SLC37A3: variants seen among roughly 807,000 people sequenced by gnomAD.
The protein encoded by SLC37A3 is solute carrier family 37 member 3, also known as sugar phosphate exchanger 3.
In SLC37A3, 51 loss-of-function variants were observed where a neutral mutation model predicts 67.1. The ratio of observed to expected loss-of-function variants is 0.76; its 90% CI spans 0.61 to 0.96. The LOEUF (loss-of-function observed/expected upper bound fraction) is 0.96, where lower values mean the gene tolerates loss of function less well. Among genes scored for constraint, SLC37A3 ranks in the 40% least tolerant of loss-of-function variants. The pLI, the probability that SLC37A3 is intolerant of heterozygous loss-of-function variation, is 0.00. For missense variants in SLC37A3, 508 were observed against 603.0 expected (o/e 0.84, Z 1.65); for synonymous variants, 214 against 231.4 (o/e 0.92, Z 0.68).
At chr7:140,358,917 C>G in intron 5 of SLC37A3, 132 bp from the exon 6 acceptor site, 1 of 1,142,972 alleles carries the variant, frequency 8.7e-7, no homozygotes, top group Non-Finnish European at 1.3e-6. Flanking sequence ...CTGTAAGTCA[C>G]GTGGCCAGCA....
At chr7:140,348,475 TTTTGAG>T in intron 10 of SLC37A3, 145 bp downstream of exon 10, 61 of 726,546 alleles carry the variant, frequency 8.4e-5, no homozygotes, top group South Asian at 3.7e-4. Flanking sequence ...TTTTTTTTTT[TTTTGAG>T]TTTGGCTGTT....
rs10631882 is a variant in SLC37A3, at chr7:140,360,732, T to TAAAAA, written c.376-1952_376-1948dup. 2.7e-3 allele frequency among the ~76,000 whole-genome samples: 374 copies of TAAAAA among 137,300 alleles called. 6 individuals are homozygous for TAAAAA. The highest frequency in any genetic ancestry group is 0.011 in the South Asian group (46 of 4,256). 90.1% of individuals were successfully genotyped at this position (137,300 alleles called of 152,430 possible). A position where few individuals can be genotyped will look rare whatever the true frequency, so the allele number is the denominator to read the frequency against. On this transcript the variant is annotated intron_variant, in intron 5 of 14. Coordinates refer to ENST00000326232, the MANE Select transcript of SLC37A3 (RefSeq NM_207113.3). ...TTGGGTGACAGAGCAAGACTCCGTT[T>TAAAAA]AAAAAAAAAAAAAAAAAGATTAATC...
intron 8 of SLC37A3, 135 bp downstream of exon 8, chr7:140,351,927 G>A (rs1796819541): frequency 1.1e-6 from 1 of 888,444 alleles, no homozygotes; most frequent in African/African-American, 1.6e-5. Flanking sequence ...TCAAACGGCA[G>A]TACTGTTCTC....
intron 3 of SLC37A3, among the ~76,000 whole-genome samples, 186 bp from the exon 4 acceptor site, chr7:140,369,868 T>C (rs1415770358): frequency 6.6e-6 from 1 of 152,156 alleles, no homozygotes; most frequent in Non-Finnish European, 1.5e-5. Context: ...CCCAACACTT[T>C]GGGAGGGCAA....
Position 140,343,553 on chromosome 7 carries a change from A to C in SLC37A3, c.1185T>G (p.Ile395Met). 6.2e-7 allele frequency: 1 copy of C among 1,614,204 alleles called. No individual in the cohort carries two copies. The highest frequency in any genetic ancestry group is 8.5e-7 in the Non-Finnish European group (1 of 1,180,018). Residue 395 changes from isoleucine to methionine, a missense_variant, in exon 13 of 15, where the codon ATT becomes ATG. Physicochemically the swap from Ile to Met is conservative, Grantham distance 10. Transcript: ENST00000326232. ...AACTAATCATATTAGAAGGTCCACC[A>C]ATAAAAAATCCTGAAGTCATAAACA... ...ALLMTVTGFF[I>M]GGPSNMISSA...
intron 2 of SLC37A3, among the ~76,000 whole-genome samples, chr7:140,381,473 C>T (rs922624236): frequency 6.6e-6 from 1 of 151,682 alleles, no homozygotes; most frequent in Admixed American, 6.6e-5. Context: ...TGCAGTGAAC[C>T]GTGATCACAC....
intron 3 of SLC37A3, among the ~76,000 whole-genome samples, chr7:140,372,890 G>C (rs1337236815): frequency 6.6e-6 from 1 of 151,674 alleles, no homozygotes; most frequent in East Asian, 1.9e-4. Context: ...TGTCACGTAA[G>C]ACTGTCCTTC....
At chr7:140,353,868 C>T (rs998958050) in intron 7 of SLC37A3, among the ~76,000 whole-genome samples, 4 of 152,066 alleles carry the variant, frequency 2.6e-5, no homozygotes, top group South Asian at 4.1e-4. Flanking sequence ...CCCGTGACCA[C>T]GCCCGGCTAA....
chr7:140,350,755 C>T (rs1796760564), intron 9 of SLC37A3, among the ~76,000 whole-genome samples: 2 of 151,966 alleles, frequency 1.3e-5, no homozygotes, highest in African/African-American at 4.8e-5. Flanking sequence ...CAGAGCGACA[C>T]TCCGTCCCAA....
At chr7:140,387,748 T>C (rs1291255789) in intron 1 of SLC37A3, among the ~76,000 whole-genome samples, 4 of 41,624 alleles carry the variant, frequency 9.6e-5, no homozygotes, top group Non-Finnish European at 1.3e-4. Flanking sequence ...ATATATTATA[T>C]AAATATAAAT....
At chr7:140,349,402 A>G (rs531217373) in intron 9 of SLC37A3, among the ~76,000 whole-genome samples, 27 of 152,264 alleles carry the variant, frequency 1.8e-4, no homozygotes, top group Admixed American at 5.2e-4. Context: ...ATGAAAGAAC[A>G]TGTCATCATC....
chr7:140,353,587 T>C (rs1796902380), intron 7 of SLC37A3, among the ~76,000 whole-genome samples: 1 of 152,196 alleles, frequency 6.6e-6, no homozygotes, highest in African/African-American at 2.4e-5. Context: ...TCATTTTTAC[T>C]GCCCAGAAAT....
At chr7:140,369,292 A>T (rs183113940) in intron 4 of SLC37A3, among the ~76,000 whole-genome samples, 1 of 152,148 alleles carries the variant, frequency 6.6e-6, no homozygotes, top group Admixed American at 6.5e-5. Context: ...TATACTCTAT[A>T]ATTTATTTGT....
chr7:140,373,108 T>G (rs1260297254), intron 3 of SLC37A3, among the ~76,000 whole-genome samples: 1 of 152,144 alleles, frequency 6.6e-6, no homozygotes, highest in African/African-American at 2.4e-5. Context: ...CATGCCACCA[T>G]GCCCGGCTAA....
chr7:140,391,164 G>A (rs1161631626), intron 1 of SLC37A3, among the ~76,000 whole-genome samples: 2 of 139,528 alleles, frequency 1.4e-5, no homozygotes, highest in East Asian at 4.3e-4. Context: ...TCCTTCCTCT[G>A]GTATCATACC....
At chr7:140,343,931 G>T in intron 12 of SLC37A3, 1 of 215,384 alleles carries the variant, frequency 4.6e-6, no homozygotes, top group Non-Finnish European at 9.2e-6. Flanking sequence ...ATTCAACCAG[G>T]AATATTGAAA....
At chr7:140,359,092 T>C (rs2117122788) in intron 5 of SLC37A3, among the ~76,000 whole-genome samples, 1 of 152,224 alleles carries the variant, frequency 6.6e-6, no homozygotes, top group Non-Finnish European at 1.5e-5. Context: ...GCCTGTAATC[T>C]CAGCACTTTG....
At chr7:140,358,895 C>A in intron 5 of SLC37A3, 110 bp from the exon 6 acceptor site, 1 of 1,351,858 alleles carries the variant, frequency 7.4e-7, no homozygotes, top group Non-Finnish European at 1.0e-6. Flanking sequence ...GATACACTCA[C>A]ACAGCCAGTG....
At chr7:140,345,062 A>C (rs1396714489) in intron 12 of SLC37A3, among the ~76,000 whole-genome samples, 154 bp downstream of exon 12, 1 of 152,240 alleles carries the variant, frequency 6.6e-6, no homozygotes, top group Non-Finnish European at 1.5e-5. Flanking sequence ...GCAGAGAAAA[A>C]GAATCTGGAA....
Sources: allele counts gnomAD v4.1 joint callset (sites outside exome capture counted in the v4.1 genomes callset), GRCh38; gene constraint gnomAD v4.1.1; transcripts MANE v1.5; gene names NCBI Gene and HGNC (gene_info 2026-07-23, HGNC 2026-07-21).